LSS: variants seen among roughly 807,000 people sequenced by gnomAD.
LSS encodes lanosterol synthase.
A neutral mutation model predicts 110.3 loss-of-function variants in LSS; 90 were observed. That is an observed-to-expected ratio of 0.82 (90% CI 0.69 to 0.97). LSS has a LOEUF of 0.97. LSS is among the 50% of genes least tolerant of loss of function. The pLI, the probability that LSS is intolerant of heterozygous loss-of-function variation, is 0.00. For synonymous variants in LSS, 433 were observed against 400.0 expected (o/e 1.08, Z -0.98); for missense variants, 927 against 990.0 (o/e 0.94, Z 0.85).
intron 4 of LSS, 190 bp downstream of exon 4, chr21:46,222,440 T>C (rs1244237198): frequency 6.8e-6 from 4 of 584,376 alleles, no homozygotes; most frequent in East Asian, 2.9e-5. Context: ...TAACAAAAGA[T>C]GTGAAGCCGA....
Position 46,206,731 on chromosome 21 carries a change from G to A in LSS, c.1505C>T (p.Thr502Ile). 1 of 1,612,836 alleles carries A rather than the reference G, an allele frequency of 6.2e-7. No individual in the cohort carries two copies. Among genetic ancestry groups the A allele is most frequent in the Non-Finnish European group, 8.5e-7 (1 of 1,179,982 alleles). The part of the protein sequence containing the change: ...NMRNPDGGFA[T>I]YETKRGGHLL... ...GTGCCCCCCACGCTTGGTCTCATAGGTGGCGAACCCTCCATCTGGATTTCT... is the reference window on the plus strand; with the variant it reads ...GTGCCCCCCACGCTTGGTCTCATAGATGGCGAACCCTCCATCTGGATTTCT... The change falls in exon 16 of 22, where the codon ACC (threonine) becomes ATC (isoleucine). Residue 502 changes from threonine (T) to isoleucine (I), a missense_variant. By Grantham distance (89) the Thr-to-Ile change is moderately conservative. Coordinates refer to ENST00000397728, the MANE Select transcript of LSS (RefSeq NM_002340.6).
At chr21:46,200,935 T>A (rs1223942327) in intron 17 of LSS, among the ~76,000 whole-genome samples, 4 of 152,218 alleles carry the variant, frequency 2.6e-5, no homozygotes, top group African/African-American at 9.7e-5. Context: ...GGGGTACACA[T>A]CCTATCTGCA....
Position 46,216,568 on chromosome 21 carries a change from C to A in LSS, c.648-44G>T. ...TCAGTGGGAGACCCCAAGACTCAAG[C>A]CTGCCCCCTCCGCCAGCATCCATAC... On this transcript the variant is annotated intron_variant, in intron 6 of 21. Transcript: ENST00000397728. This position sits in a 1 kb window ranked among gnomAD's most constrained non-coding sequence, Gnocchi z 4.2. 6.6e-7 allele frequency: 1 copy of A among 1,507,306 alleles called. No individual in the cohort carries two copies. Among genetic ancestry groups the A allele is most frequent in the Non-Finnish European group, 8.9e-7 (1 of 1,123,622 alleles). 93.4% of individuals were successfully genotyped at this position (1,507,306 alleles called of 1,614,324 possible).
chr21:46,213,508 C>A (rs1158265804), intron 10 of LSS, among the ~76,000 whole-genome samples: 2 of 152,222 alleles, frequency 1.3e-5, no homozygotes, highest in African/African-American at 4.8e-5. Context: ...CTACCACCCC[C>A]TTCCTCACTC....
Position 46,191,061 on chromosome 21 carries a change from C to T in LSS, c.*43G>A. 6.2e-7 allele frequency: 1 copy of T among 1,611,250 alleles called. No homozygotes were observed. Among genetic ancestry groups the T allele is most frequent in the South Asian group, 1.1e-5 (1 of 90,948 alleles). Reference sequence around the variant, plus strand: ...CCCAACCCGGCCAGGACCCCTTGGCCTCACTGGAACGCACAGACGGCACCC... The same window carrying T: ...CCCAACCCGGCCAGGACCCCTTGGCTTCACTGGAACGCACAGACGGCACCC... On this transcript the variant is annotated 3_prime_UTR_variant, in exon 22 of 22. Coordinates refer to ENST00000397728, the MANE Select transcript of LSS (RefSeq NM_002340.6).
intron 17 of LSS, among the ~76,000 whole-genome samples, chr21:46,198,857 G>C (rs1394382826): frequency 9.1e-6 from 1 of 109,800 alleles, no homozygotes; most frequent in Non-Finnish European, 1.9e-5. Flanking sequence ...AAAAAATCTA[G>C]ACACAAACCA....
In LSS at chr21:46,228,727, C is replaced by A. The variant is rs761522945; in HGVS notation, c.14+5G>T. ...TCGTCAGGAGCCCGGGGCGAGGGGA[C>A]TCACGTGCCCTCCGTCATTGCTGCT... is the stretch of plus-strand genomic sequence containing the variant. On this transcript the variant is annotated splice_donor_5th_base_variant and intron_variant, in intron 1 of 21. Coordinates refer to ENST00000397728, the MANE Select transcript of LSS (RefSeq NM_002340.6). The A allele has an allele frequency of 6.2e-7, 1 of 1,601,368 alleles. No homozygotes were observed. Among genetic ancestry groups the A allele is most frequent in the Non-Finnish European group, 8.5e-7 (1 of 1,178,944 alleles).
rs2080383779 is a variant in LSS, at chr21:46,228,408, G to C, written c.180+26C>G. On this transcript the variant is annotated intron_variant, in intron 2 of 21. Coordinates refer to ENST00000397728, the MANE Select transcript of LSS (RefSeq NM_002340.6). The stretch of plus-strand genomic sequence containing the variant: ...GCTCACCCCTCAGGGTCCCGAGCTC[G>C]CTGACGCTCCGCGGAAGCAACTTAC... 1.9e-6 allele frequency: 3 copies of C among 1,597,878 alleles called. No individual in the cohort carries two copies. The South Asian group carries it at 3.3e-5, about 18-fold the overall frequency.
chr21:46,211,365 G>A (rs2080131538), intron 11 of LSS, among the ~76,000 whole-genome samples: 1 of 152,146 alleles, frequency 6.6e-6, no homozygotes, highest in Admixed American at 6.5e-5. Flanking sequence ...TCCTGACCTT[G>A]TGATCCGCCC....
chr21:46,221,787 C>T lies in LSS; in HGVS notation c.550+67G>A, dbSNP rs1452100882. 1.0e-5 allele frequency: 16 copies of T among 1,606,034 alleles called. No individual in the cohort carries two copies. In the East Asian group the frequency reaches 1.1e-4, roughly 11 times the overall value. ...GCTGCAAGTGCATCTTTCTGTATCG[C>T]GTTTGTGAGAGCTCATTATCGAGTT... On this transcript the variant is annotated intron_variant, in intron 5 of 21. Transcript: ENST00000397728.
chr21:46,221,893 G>C lies in LSS; in HGVS notation c.511C>G (p.Pro171Ala). The C allele has an allele frequency of 2.5e-6, 4 of 1,614,146 alleles. No individual in the cohort carries two copies. Among genetic ancestry groups the C allele is most frequent in the Non-Finnish European group, 3.4e-6 (4 of 1,180,026 alleles). Residue 171 changes from proline (P) to alanine (A), a missense_variant, in exon 5 of 22, where the codon CCT (proline) becomes GCT (alanine). By Grantham distance (27) the Pro-to-Ala change is conservative. Transcript: ENST00000397728. The part of the protein sequence containing the change: ...LRILGVGPDD[P>A]DLVRARNILH... The stretch of plus-strand genomic sequence containing the variant: ...ATGTTCCGGGCTCGTACCAGGTCAG[G>C]ATCGTCAGGCCCAACACCCAGAATT...
chr21:46,226,022 AC>A (rs2080335548), intron 3 of LSS, among the ~76,000 whole-genome samples: 1 of 151,422 alleles, frequency 6.6e-6, no homozygotes, highest in African/African-American at 2.4e-5. Flanking sequence ...GTGGGGCTGG[AC>A]CCTACAGGAG....
intron 8 of LSS, 69 bp downstream of exon 8, chr21:46,215,616 C>T (rs1397661589): frequency 4.3e-5 from 48 of 1,112,168 alleles, no homozygotes; most frequent in Admixed American, 8.8e-5. Context: ...GGGATGAGTG[C>T]GTGAATGAGT....
intron 20 of LSS, 183 bp from the exon 21 acceptor site, chr21:46,192,142 T>C: frequency 1.6e-6 from 1 of 626,678 alleles, no homozygotes; most frequent in East Asian, 2.7e-5. Context: ...CACACCTTCT[T>C]CCTAGGCTCC....
At chr21:46,208,720 G>A (rs1320350397) in intron 13 of LSS, among the ~76,000 whole-genome samples, 2 of 152,136 alleles carry the variant, frequency 1.3e-5, no homozygotes, top group Admixed American at 6.5e-5. Context: ...CTGGAGTGCC[G>A]TAGGGTTCAG....
chr21:46,211,526 G>A (rs1184859059), intron 11 of LSS, among the ~76,000 whole-genome samples: 1 of 152,158 alleles, frequency 6.6e-6, no homozygotes, highest in East Asian at 1.9e-4. Context: ...GGGCTCACAG[G>A]TACACAGCCT....
chr21:46,215,875 A>G (rs1436928881), intron 7 of LSS, 82 bp from the exon 8 acceptor site: 15 of 905,446 alleles, frequency 1.7e-5, no homozygotes, highest in Non-Finnish European at 2.4e-5. Context: ...GCCTCCCACC[A>G]TCCGCCCTCA....
In LSS at chr21:46,228,547, C is replaced by G; in HGVS notation, c.67G>C (p.Gly23Arg). 12 of 1,597,826 alleles carry G rather than the reference C, an allele frequency of 7.5e-6. No individual in the cohort carries two copies. The highest frequency in any genetic ancestry group is 1.1e-5 in the South Asian group (1 of 90,676). Residue 23 changes from glycine to arginine, a missense_variant, in exon 2 of 22, where the codon GGC (glycine) becomes CGC (arginine). Gly to Arg is a moderately radical substitution (Grantham distance 125). Transcript: ENST00000397728. Reference protein sequence around the residue: ...PYKTEPATDLGRWRLNCERGR... With the variant: ...PYKTEPATDLRRWRLNCERGR... The stretch of plus-strand genomic sequence containing the variant: ...CTCTCGCAGTTGAGTCGCCAGCGGC[C>G]GAGGTCGGTGGCGGGCTCGGTCTTG...
At chr21:46,227,733 A>G in intron 2 of LSS, 43 bp from the exon 3 acceptor site, 1 of 1,607,922 alleles carries the variant, frequency 6.2e-7, no homozygotes, top group Non-Finnish European at 8.5e-7. Flanking sequence ...AGCTGACGGG[A>G]CTGTTGCCCG....
Sources: allele counts gnomAD v4.1 joint callset (sites outside exome capture counted in the v4.1 genomes callset), GRCh38; gene constraint gnomAD v4.1.1; non-coding constraint Gnocchi (gnomAD v3.1); transcripts MANE v1.5; gene names NCBI Gene and HGNC (gene_info 2026-07-23, HGNC 2026-07-21).